Variants in RFC4 observed in about 807,000 individuals in gnomAD.
RFC4 encodes A1 37 kDa subunit.
In RFC4, 38 loss-of-function variants were observed where a neutral mutation model predicts 47.6. The ratio of observed to expected loss-of-function variants is 0.80; its 90% confidence interval spans 0.62 to 1.05. The LOEUF (loss-of-function observed/expected upper bound fraction) is 1.05, where lower values mean the gene tolerates loss of function less well. Ranked by LOEUF, RFC4 falls within the 50% of genes least tolerant of loss-of-function variation. The pLI is 0.00. For synonymous variants in RFC4, 164 were observed against 150.0 expected, an observed-to-expected ratio of 1.09 and a Z score of -0.68; for missense variants, 489 against 434.0, an observed-to-expected ratio of 1.13 and a Z score of -1.13.
At chr3:186,797,667 G>T in intron 3 of RFC4, 53 bp from the exon 4 acceptor site, 1 of 1,274,042 alleles carries the variant, frequency 7.8e-7, no homozygotes, top group Non-Finnish European at 1.1e-6. Context: ...ACAAATAGAT[G>T]AAAAGGAAGA....
intron 1 of RFC4, among the ~76,000 whole-genome samples, chr3:186,805,186 A>G (rs923878641): frequency 1.3e-5 from 2 of 151,740 alleles, no homozygotes; most frequent in African/African-American, 4.8e-5. Flanking sequence ...GAGAACCTTC[A>G]CTCCTTTCCT....
Position 186,789,907 on chromosome 3 carries a change from G to A in RFC4, c.*62C>T. 9.5e-7 allele frequency: 1 copy of A among 1,048,240 alleles called. No homozygotes were observed. The highest frequency in any genetic ancestry group is 1.4e-6 in the Non-Finnish European group (1 of 693,700). The allele number at this position is 1,048,240 out of a possible 1,614,324, so 64.9% of individuals were successfully genotyped here. On this transcript the variant is annotated 3_prime_UTR_variant, in exon 11 of 11. Transcript: ENST00000296273. ...GTATATTCACTTTAAAGGTGCTTTT[G>A]GTCATTTTATTTTTATTACAACTTC...
In RFC4 at chr3:186,793,072, T is replaced by G; in HGVS notation, c.411-125A>C. 1 of 825,858 alleles carries G rather than the reference T, an allele frequency of 1.2e-6. No individual in the cohort carries two copies. Among genetic ancestry groups the G allele is most frequent in the Non-Finnish European group, 1.8e-6 (1 of 549,938 alleles). The allele number at this position is 825,858 out of a possible 1,614,324, so 51.2% of individuals were successfully genotyped here. ...ATGTACAATTCAGTGTTTTTCTGTA[T>G]GTTCACAAAGTTGTGCAACCATTAC... is the stretch of plus-strand genomic sequence containing the variant. On this transcript the variant is annotated intron_variant, in intron 5 of 10. Transcript: ENST00000296273. The surrounding 1 kb of genome is among the most constrained non-coding windows in gnomAD (Gnocchi z 4.2).
rs765867686 is a variant in RFC4, at chr3:186,794,827, A to G, written c.291-50T>C. 3 of 1,602,260 alleles carry G rather than the reference A, an allele frequency of 1.9e-6. No individual in the cohort carries two copies. In the African/African-American group the frequency reaches 4.0e-5, roughly 22 times the overall value. ...AAACATAGAGCACAAGTAGGCTTAA[A>G]TCACATTTTAACATTTGCACACTTT... On this transcript the variant is annotated intron_variant, in intron 4 of 10. Coordinates refer to ENST00000296273, the MANE Select transcript of RFC4 (RefSeq NM_002916.5).
At chr3:186,802,115 C>A (rs1460652735) in intron 2 of RFC4, among the ~76,000 whole-genome samples, 1 of 151,482 alleles carries the variant, frequency 6.6e-6, no homozygotes, top group Non-Finnish European at 1.5e-5. Flanking sequence ...GTAATCCCAG[C>A]ACTTTGGGAG....
rs1560088834 is a variant in RFC4 at position 186,790,079 on chromosome 3, TAAG to T, written c.997-18_997-16del. On this transcript the variant is annotated splice_polypyrimidine_tract_variant and intron_variant, in intron 10 of 10. Transcript: ENST00000296273. Reference sequence around the variant, plus strand: ...TTGTCAACTTCCTACGAGAAAAATTTAAGAAATTAGCATCCTTCAGGTAGTTAA... The same window carrying T: ...TTGTCAACTTCCTACGAGAAAAATTTAAATTAGCATCCTTCAGGTAGTTAA... 2.5e-6 allele frequency: 4 copies of T among 1,611,128 alleles called. No individual in the cohort carries two copies. The highest frequency in any genetic ancestry group is 2.2e-5 in the East Asian group (1 of 44,828).
intron 8 of RFC4, chr3:186,791,332 T>C (rs765793380): frequency 8.2e-6 from 2 of 245,296 alleles, no homozygotes; most frequent in African/African-American, 2.2e-5. Flanking sequence ...CTACTAAAAA[T>C]ATACAAATTA....
chr3:186,802,854 T>C (rs1722388085), intron 2 of RFC4, among the ~76,000 whole-genome samples: 1 of 152,070 alleles, frequency 6.6e-6, no homozygotes, highest in African/African-American at 2.4e-5. Flanking sequence ...TGATGCAAGA[T>C]ATAGTAGGGA....
intron 8 of RFC4, among the ~76,000 whole-genome samples, chr3:186,790,651 T>G (rs563679851): frequency 6.6e-6 from 1 of 152,120 alleles, no homozygotes; most frequent in East Asian, 1.9e-4. Flanking sequence ...TGGGCACACA[T>G]GGATTATAGC....
At chr3:186,797,122 C>G (rs1003479767) in intron 4 of RFC4, among the ~76,000 whole-genome samples, 2 of 152,188 alleles carry the variant, frequency 1.3e-5, no homozygotes, top group African/African-American at 4.8e-5. Context: ...GAGCAGGACT[C>G]AAGAATGGAT....
chr3:186,794,688 G>C lies in RFC4; in HGVS notation c.380C>G (p.Ala127Gly). The stretch of plus-strand genomic sequence containing the variant: ...GCGACTTCCTGACACAGTTAATTGA[G>C]CAAAATTTTTCACTTTCTCTCGAAC... ...QVVREKVKNF[A>G]QLTVSGSRSD... The change falls in exon 5 of 11, where the codon GCT becomes GGT. Residue 127 changes from alanine to glycine, a missense_variant. Transcript: ENST00000296273. 1.2e-6 allele frequency: 2 copies of C among 1,613,972 alleles called. No individual in the cohort carries two copies. Among genetic ancestry groups the C allele is most frequent in the Non-Finnish European group, 1.7e-6 (2 of 1,179,942 alleles).
intron 3 of RFC4, 60 bp downstream of exon 3, chr3:186,801,057 G>C: frequency 1.6e-6 from 2 of 1,222,220 alleles, no homozygotes; most frequent in South Asian, 2.4e-5. Context: ...AAGGAAGAAA[G>C]AGGGTGAATA....
In RFC4 at chr3:186,805,813, T is replaced by C. The variant is rs147986220; in HGVS notation, c.-12+477A>G. Among the ~76,000 whole-genome samples the C allele has an allele frequency of 5.1e-4, 77 of 152,286 alleles. 1 individual carries two copies. In the East Asian group the frequency reaches 0.014, roughly 28 times the overall value. Reference sequence around the variant, plus strand: ...GAAAAGTCCCCGGTTAATTCTATTTTTTTCACTGCTACATGCCCTGGTGCC... The same window carrying C: ...GAAAAGTCCCCGGTTAATTCTATTTCTTTCACTGCTACATGCCCTGGTGCC... On this transcript the variant is annotated intron_variant, in intron 1 of 10. Coordinates refer to ENST00000296273, the MANE Select transcript of RFC4 (RefSeq NM_002916.5).
intron 4 of RFC4, 110 bp from the exon 5 acceptor site, chr3:186,794,887 G>A (rs1007202628): frequency 1.8e-5 from 21 of 1,181,020 alleles, no homozygotes; most frequent in Middle Eastern, 2.8e-4. Context: ...AAACAACATG[G>A]ATAGAAGGCA....
rs372100402 is a variant in RFC4 at position 186,791,720 on chromosome 3, C to T, written c.801+5G>A. On this transcript the variant is annotated splice_donor_5th_base_variant and intron_variant, in intron 8 of 10. Transcript: ENST00000296273. ...AAAGAAATTCAGAATATCCAGTACTCTTACCCCGGCAATGTCTGTAATCAC... is the reference window on the plus strand; with the variant it reads ...AAAGAAATTCAGAATATCCAGTACTTTTACCCCGGCAATGTCTGTAATCAC... The T allele has an allele frequency of 4.3e-6, 7 of 1,612,730 alleles. No individual in the cohort carries two copies. The African/African-American group carries it at 9.3e-5, about 22-fold the overall frequency.
intron 1 of RFC4, 122 bp from the exon 2 acceptor site, chr3:186,804,846 C>T (rs920653157): frequency 4.7e-5 from 40 of 845,998 alleles, no homozygotes; most frequent in Non-Finnish European, 7.0e-5. Context: ...CGAAAATAAA[C>T]TTAGCCTTGT....
At chr3:186,801,527 C>A (rs929244380) in intron 2 of RFC4, 8 of 209,444 alleles carry the variant, frequency 3.8e-5, no homozygotes, top group Non-Finnish European at 7.7e-5. Context: ...CTGGCTAACA[C>A]AGTGAAACCC....
At chr3:186,792,359 C>G in intron 7 of RFC4, 131 bp downstream of exon 7, 1 of 725,884 alleles carries the variant, frequency 1.4e-6, no homozygotes, top group South Asian at 2.1e-5. Flanking sequence ...ATTGTTGCCC[C>G]TTTAGCTTAA....
chr3:186,800,705 G>C (rs977205074), intron 3 of RFC4, among the ~76,000 whole-genome samples: 2 of 152,016 alleles, frequency 1.3e-5, no homozygotes, highest in Non-Finnish European at 2.9e-5. Flanking sequence ...AAGTTAGTAA[G>C]CAATTATACT....
Sources: gnomAD v4.1 joint callset for allele counts (sites outside exome capture counted in the v4.1 genomes callset) on GRCh38, gnomAD v4.1.1 for gene constraint, Gnocchi (gnomAD v3.1) non-coding constraint, MANE v1.5 for transcripts, NCBI Gene and HGNC (gene_info 2026-07-23, HGNC 2026-07-21) for gene names.